The following PCDH9 variants were observed in gnomAD, a reference collection of about 807,000 sequenced individuals.
The protein encoded by PCDH9 is protocadherin-9.
Under a neutral mutation model 70.6 loss-of-function variants are expected in PCDH9, and 24 were observed. The ratio of observed to expected loss-of-function variants is 0.34; its 90% CI spans 0.25 to 0.48. PCDH9 has a LOEUF of 0.48. PCDH9 is among the 20% of genes least tolerant of loss of function. The pLI is 0.99. For missense variants in PCDH9, 1,281 were observed against 1,503.6 expected (o/e 0.85, Z 2.45); for synonymous variants, 562 against 558.5 (o/e 1.01, Z -0.09).
intron 4 of PCDH9, among the ~76,000 whole-genome samples, chr13:66,577,077 C>A (rs181314688): frequency 4.0e-5 from 6 of 151,758 alleles, no homozygotes; most frequent in Non-Finnish European, 8.8e-5. Context: ...TGAAAAATAA[C>A]CTGGTATTAT....
intron 2 of PCDH9, among the ~76,000 whole-genome samples, chr13:67,048,817 T>C (rs2085270645): frequency 6.6e-6 from 1 of 152,194 alleles, no homozygotes; most frequent in African/African-American, 2.4e-5. Context: ...ACAGTAGGTG[T>C]TCATATCATG....
intron 2 of PCDH9, among the ~76,000 whole-genome samples, chr13:66,982,105 T>C (rs2083784555): frequency 6.6e-6 from 1 of 152,138 alleles, no homozygotes; most frequent in African/African-American, 2.4e-5. Flanking sequence ...TAAAGGCATG[T>C]GGCACCCCTG....
chr13:67,227,372 T>C lies in PCDH9; in HGVS notation c.1069A>G (p.Asn357Asp), dbSNP rs2089903369. 1 of 1,613,948 alleles carries C rather than the reference T, an allele frequency of 6.2e-7. No homozygotes were observed. The highest frequency in any genetic ancestry group is 1.7e-5 in the Admixed American group (1 of 60,018). ...CTTATAATGTACCTGAGGTCTATAT[T>C]AGGAGGGTTATCATTTACATCGGTG... ...NVTDVNDNPPNIDLRYIISPI... is the reference protein window; with the variant it reads ...NVTDVNDNPPDIDLRYIISPI... The change falls in exon 2 of 5, where the codon AAT becomes GAT. Residue 357 changes from asparagine (N) to aspartate (D), a missense_variant. By Grantham distance (23) the Asn-to-Asp change is conservative. Coordinates refer to ENST00000377865, the MANE Select transcript of PCDH9 (RefSeq NM_203487.3). This position sits in a 1 kb window ranked among gnomAD's most constrained non-coding sequence, Gnocchi z 4.6.
intron 3 of PCDH9, among the ~76,000 whole-genome samples, chr13:66,854,176 C>T (rs540358712): frequency 6.6e-6 from 1 of 152,238 alleles, no homozygotes; most frequent in South Asian, 2.1e-4. Flanking sequence ...CTTGAGCAGA[C>T]ATTGGTTCCA....
At chr13:66,413,453 G>A (rs193052238) in intron 4 of PCDH9, among the ~76,000 whole-genome samples, 115 of 152,178 alleles carry the variant, frequency 7.6e-4, no homozygotes, top group African/African-American at 2.7e-3. Flanking sequence ...TTAGGAGGCC[G>A]AGGCAGGCAA....
At chr13:66,511,362 A>C (rs1959461098) in intron 4 of PCDH9, among the ~76,000 whole-genome samples, 1 of 152,162 alleles carries the variant, frequency 6.6e-6, no homozygotes. Context: ...CATGTTATTT[A>C]ACCTCCCTGA....
intron 3 of PCDH9, among the ~76,000 whole-genome samples, chr13:66,697,393 A>G (rs1047925999): frequency 6.6e-6 from 1 of 152,176 alleles, no homozygotes; most frequent in Middle Eastern, 3.2e-3. Context: ...TCACATACAT[A>G]AAGATAAATT....
At chr13:67,106,970 T>C (rs2086558823) in intron 2 of PCDH9, among the ~76,000 whole-genome samples, 1 of 152,196 alleles carries the variant, frequency 6.6e-6, no homozygotes, top group South Asian at 2.1e-4. Context: ...AAGGTGGGGC[T>C]GAGGATGTCT....
rs879210962 is a variant in PCDH9 at position 66,303,666 on chromosome 13, G to C, written c.*989C>G. Reference sequence around the variant, plus strand: ...TACATTAGTTTTACATGAGTGACAAGTACAGGATATTATATCACTTTTGAT... The same window carrying C: ...TACATTAGTTTTACATGAGTGACAACTACAGGATATTATATCACTTTTGAT... On this transcript the variant is annotated 3_prime_UTR_variant, in exon 5 of 5. Transcript: ENST00000377865. 1 of 152,432 alleles carries C rather than the reference G, an allele frequency of 6.6e-6. No individual in the cohort carries two copies. Among genetic ancestry groups the C allele is most frequent in the South Asian group, 2.1e-4 (1 of 4,838 alleles). 9.4% of individuals were successfully genotyped at this position (152,432 alleles called of 1,614,324 possible). A position where few individuals can be genotyped will look rare whatever the true frequency, so the allele number is the denominator to read the frequency against.
chr13:66,856,493 A>T (rs2081396702), intron 3 of PCDH9, among the ~76,000 whole-genome samples: 1 of 152,100 alleles, frequency 6.6e-6, no homozygotes, highest in Non-Finnish European at 1.5e-5. Flanking sequence ...AAGTATTTTT[A>T]AAAACCTGTA....
At chr13:67,160,715 G>A (rs2087934627) in intron 2 of PCDH9, among the ~76,000 whole-genome samples, 1 of 151,996 alleles carries the variant, frequency 6.6e-6, no homozygotes, top group African/African-American at 2.4e-5. Context: ...ACAGTATCTT[G>A]AGCCACAAGC....
intron 4 of PCDH9, among the ~76,000 whole-genome samples, chr13:66,308,702 T>C (rs1209402032): frequency 6.6e-6 from 1 of 151,926 alleles, no homozygotes; most frequent in Non-Finnish European, 1.5e-5. Context: ...ATTTGAATAA[T>C]TTCTCAAGAA....
intron 2 of PCDH9, among the ~76,000 whole-genome samples, chr13:67,109,713 A>C (rs1054396509): frequency 6.6e-6 from 1 of 152,210 alleles, no homozygotes; most frequent in Non-Finnish European, 1.5e-5. Flanking sequence ...TAGAAATAGT[A>C]AAATATTTTA....
At chr13:66,353,157 T>C (rs1012753011) in intron 4 of PCDH9, among the ~76,000 whole-genome samples, 1 of 152,196 alleles carries the variant, frequency 6.6e-6, no homozygotes. Context: ...GTGATCTAAG[T>C]ATAGTTTCCT....
At chr13:66,907,195 T>C (rs1396469812) in intron 2 of PCDH9, among the ~76,000 whole-genome samples, 4 of 152,028 alleles carry the variant, frequency 2.6e-5, no homozygotes, top group Non-Finnish European at 1.5e-5. Context: ...CAGAACGAGA[T>C]TCTGCCTCAA....
intron 4 of PCDH9, among the ~76,000 whole-genome samples, chr13:66,334,790 A>T (rs577483316): frequency 6.6e-6 from 1 of 152,126 alleles, no homozygotes; most frequent in South Asian, 2.1e-4. Flanking sequence ...CTTCACAACA[A>T]AAAAAATTTC....
At chr13:67,183,832 A>T (rs2088679567) in intron 2 of PCDH9, among the ~76,000 whole-genome samples, 1 of 152,202 alleles carries the variant, frequency 6.6e-6, no homozygotes, top group African/African-American at 2.4e-5. Context: ...TACATGTGTT[A>T]CCTAGAAAAA....
chr13:66,501,819 C>G (rs905145021), intron 4 of PCDH9, among the ~76,000 whole-genome samples: 1 of 152,044 alleles, frequency 6.6e-6, no homozygotes, highest in Non-Finnish European at 1.5e-5. Context: ...GTACATTTTA[C>G]TTAAGGCATT....
intron 4 of PCDH9, among the ~76,000 whole-genome samples, chr13:66,589,014 T>C (rs1469301940): frequency 6.6e-6 from 1 of 152,088 alleles, no homozygotes; most frequent in African/African-American, 2.4e-5. Context: ...TTCAGATGTA[T>C]ATGTTATATA....
Sources: gnomAD v4.1 joint callset for allele counts (sites outside exome capture counted in the v4.1 genomes callset) on GRCh38, gnomAD v4.1.1 for gene constraint, Gnocchi (gnomAD v3.1) non-coding constraint, MANE v1.5 for transcripts, NCBI Gene and HGNC (gene_info 2026-07-23, HGNC 2026-07-21) for gene names.